GABRA3: variants seen among roughly 807,000 people sequenced by gnomAD.
GABRA3 encodes the protein gamma-aminobutyric acid type A receptor subunit alpha3, also known as gamma-aminobutyric acid receptor subunit alpha-3.
GABRA3 carries 10 observed loss-of-function variants against 30.1 expected under a neutral mutation model. The observed-to-expected ratio is 0.33, with a 90% confidence interval of 0.20 to 0.56. The LOEUF is 0.56. GABRA3 is among the 20% of genes least tolerant of loss of function. The pLI, the probability that GABRA3 is intolerant of heterozygous loss-of-function variation, is 0.89. For missense variants in GABRA3, 233 were observed against 392.0 expected (o/e 0.59, Z 3.42); for synonymous variants, 151 against 146.8 (o/e 1.03, Z -0.21).
intron 1 of GABRA3, among the ~76,000 whole-genome samples, chrX:152,396,117 A>G (rs1929655298): frequency 9.0e-6 from 1 of 111,703 alleles, no homozygotes; most frequent in Non-Finnish European, 1.9e-5. Flanking sequence ...AAATCCAATC[A>G]CTGGTGTCTT....
chrX:152,372,801 G>T (rs1386536115), intron 1 of GABRA3, among the ~76,000 whole-genome samples: 1 of 111,758 alleles, frequency 8.9e-6, no homozygotes, highest in Non-Finnish European at 1.9e-5. Context: ...AAACTTTTCT[G>T]TTCTCTTTGC....
chrX:152,371,771 T>G (rs1056496129), intron 1 of GABRA3, among the ~76,000 whole-genome samples: 9 of 111,427 alleles, frequency 8.1e-5, no homozygotes, highest in African/African-American at 1.3e-4. Context: ...CTCTTAGTAT[T>G]AATTCATTCA....
chrX:152,450,802 C>A (rs191890896), intron 1 of GABRA3, among the ~76,000 whole-genome samples: 2,305 of 112,676 alleles, frequency 0.02, 28 homozygotes, highest in Non-Finnish European at 0.028. Flanking sequence ...CACTCCGTGG[C>A]TTTCTGCAGC....
intron 3 of GABRA3, among the ~76,000 whole-genome samples, chrX:152,332,015 A>T (rs1447233943): frequency 1.8e-5 from 2 of 112,101 alleles, no homozygotes; most frequent in Non-Finnish European, 3.8e-5. Context: ...CATCTTCTTT[A>T]ATTCACCACT....
At chrX:152,201,032 G>C (rs1277769083) in intron 7 of GABRA3, among the ~76,000 whole-genome samples, 1 of 112,271 alleles carries the variant, frequency 8.9e-6, no homozygotes, top group Admixed American at 9.4e-5. Context: ...GTGTGAAATT[G>C]TCAAAGGGAC....
At chrX:152,205,213 A>G (rs966328430) in intron 7 of GABRA3, among the ~76,000 whole-genome samples, 1 of 111,779 alleles carries the variant, frequency 8.9e-6, no homozygotes, top group African/African-American at 3.3e-5. Context: ...TCAACCCATG[A>G]TACCTGTGTT....
At chrX:152,439,299 A>T (rs1281645804) in intron 1 of GABRA3, among the ~76,000 whole-genome samples, 1 of 109,874 alleles carries the variant, frequency 9.1e-6, no homozygotes. Flanking sequence ...CACCAGGCTA[A>T]TTTTTGTATT....
chrX:152,210,149 T>C (rs1310345613), intron 6 of GABRA3, among the ~76,000 whole-genome samples: 1 of 112,226 alleles, frequency 8.9e-6, no homozygotes, highest in Non-Finnish European at 1.9e-5. Flanking sequence ...ATTTTCATTG[T>C]GCATTTTTTC....
intron 3 of GABRA3, among the ~76,000 whole-genome samples, chrX:152,308,129 C>T (rs987695560): frequency 3.6e-5 from 4 of 112,592 alleles, no homozygotes; most frequent in African/African-American, 1.3e-4. Flanking sequence ...TGCCTGGCTG[C>T]ACCTACTTGC....
At position 152,177,880 on chromosome X, in the gene GABRA3, G is replaced by A. The variant is rs184771211; in HGVS notation, c.1144-9317C>T. The stretch of plus-strand genomic sequence containing the variant: ...GTTGAGCAAGATGAAGAAAAATAGA[G>A]TGATAAAGCCAGATGAAGTGAACAT... On this transcript the variant is annotated intron_variant, in intron 9 of 9. Transcript: ENST00000370314. Among the ~76,000 whole-genome samples, 7 of 111,998 alleles carry A rather than the reference G, an allele frequency of 6.3e-5. No individual in the cohort carries two copies. In the East Asian group the frequency reaches 1.7e-3, roughly 27 times the overall value.
At chrX:152,382,563 T>C (rs190064060) in intron 1 of GABRA3, among the ~76,000 whole-genome samples, 1 of 112,181 alleles carries the variant, frequency 8.9e-6, no homozygotes, top group East Asian at 2.8e-4. Context: ...CCTGTGCTTT[T>C]GGGGTCATAG....
At chrX:152,262,963 G>A (rs913225074) in intron 4 of GABRA3, among the ~76,000 whole-genome samples, 2 of 111,730 alleles carry the variant, frequency 1.8e-5, no homozygotes, top group Non-Finnish European at 3.8e-5. Flanking sequence ...GGCTGGGGGG[G>A]CCTCAGGAAA....
intron 5 of GABRA3, among the ~76,000 whole-genome samples, chrX:152,243,790 A>C: frequency 8.9e-6 from 1 of 112,330 alleles, no homozygotes; most frequent in Non-Finnish European, 1.9e-5. Flanking sequence ...TGAAGCAAGC[A>C]GTAAACCATA....
In GABRA3 at chrX:152,167,558, C is replaced by T; in HGVS notation, c.*670G>A. On this transcript the variant is annotated 3_prime_UTR_variant, in exon 10 of 10. Transcript: ENST00000370314. ...ATGTACCAAGGAGGGGACTATTTTC[C>T]CGAGGGGCTGGACATGGCAGGGCAC... 1 of 111,627 alleles carries T rather than the reference C, an allele frequency of 9.0e-6. No homozygotes were observed. The highest frequency in any genetic ancestry group is 4.6e-3 in the Middle Eastern group (1 of 218). 9.2% of individuals were successfully genotyped at this position (111,627 alleles called of 1,213,427 possible). A position where few individuals can be genotyped will look rare whatever the true frequency, so the allele number is the denominator to read the frequency against.
At chrX:152,204,771 A>G (rs756847900) in intron 7 of GABRA3, among the ~76,000 whole-genome samples, 3 of 112,026 alleles carry the variant, frequency 2.7e-5, no homozygotes, top group Non-Finnish European at 5.6e-5. Context: ...ATAACAAAGT[A>G]CTACACCCTG....
intron 2 of GABRA3, among the ~76,000 whole-genome samples, chrX:152,350,998 GC>G (rs1940471072): frequency 8.9e-6 from 1 of 111,865 alleles, no homozygotes; most frequent in South Asian, 3.7e-4. Flanking sequence ...GAAGTAGACT[GC>G]AACCGTGTGC....
chrX:152,316,079 A>C, intron 3 of GABRA3, among the ~76,000 whole-genome samples: 1 of 104,559 alleles, frequency 9.6e-6, no homozygotes, highest in East Asian at 3.2e-4. Flanking sequence ...TTAGTGTGTT[A>C]AACAACTACA....
chrX:152,347,722 T>C (rs189719918), intron 2 of GABRA3, among the ~76,000 whole-genome samples: 2 of 112,259 alleles, frequency 1.8e-5, no homozygotes, highest in Admixed American at 1.9e-4. Context: ...TGCATTTCCA[T>C]TTCCTCCTGG....
At chrX:152,175,264 T>C (rs1474596649) in intron 9 of GABRA3, among the ~76,000 whole-genome samples, 3 of 109,243 alleles carry the variant, frequency 2.7e-5, no homozygotes, top group African/African-American at 6.8e-5. Context: ...TTTTTTTTTT[T>C]CGGAGAGAAA....
Sources: allele counts gnomAD v4.1 joint callset (sites outside exome capture counted in the v4.1 genomes callset), GRCh38; gene constraint gnomAD v4.1.1; transcripts MANE v1.5; gene names NCBI Gene and HGNC (gene_info 2026-07-23, HGNC 2026-07-21).